The following ZC3H12B variants were observed in gnomAD, a reference collection of about 807,000 sequenced individuals.
ZC3H12B encodes probable ribonuclease ZC3H12B.
Under a neutral mutation model 43.9 loss-of-function variants are expected in ZC3H12B, and 7 were observed. The ratio of observed to expected loss-of-function variants is 0.16; its 90% CI spans 0.09 to 0.30. The LOEUF (loss-of-function observed/expected upper bound fraction) is 0.30, where lower values mean the gene tolerates loss of function less well. Among genes scored for constraint, ZC3H12B ranks in the 10% least tolerant of loss-of-function variants. The probability of loss-of-function intolerance (pLI) is 1.00; values close to 1 mark genes in which losing one functional copy is unlikely to be tolerated. For synonymous variants in ZC3H12B, 222 were observed against 241.7 expected (o/e 0.92, Z 0.76); for missense variants, 475 against 670.2 (o/e 0.71, Z 3.22).
the ZC3H12B span, among the ~76,000 whole-genome samples, chrX:65,276,915 G>T: frequency 9.0e-6 from 1 of 111,480 alleles, no homozygotes; most frequent in African/African-American, 3.3e-5. Flanking sequence ...ATTTCTCATT[G>T]AAAAGATATA....
chrX:65,078,389 C>T, the ZC3H12B span, among the ~76,000 whole-genome samples: 2 of 111,882 alleles, frequency 1.8e-5, no homozygotes, highest in Non-Finnish European at 3.8e-5. Context: ...TCCAACGTTT[C>T]AAGTTCAGGA....
the ZC3H12B span, among the ~76,000 whole-genome samples, chrX:65,168,212 C>A: frequency 8.9e-6 from 1 of 111,788 alleles, no homozygotes; most frequent in Non-Finnish European, 1.9e-5. Flanking sequence ...TACGTCCCAT[C>A]CATATCAAAT....
the ZC3H12B span, among the ~76,000 whole-genome samples, chrX:65,353,812 G>T: frequency 2.9e-4 from 32 of 111,476 alleles, no homozygotes; most frequent in Middle Eastern, 4.6e-3. Context: ...GCTTGAGTAG[G>T]CAGTTTTCCC....
intron 2 of ZC3H12B, among the ~76,000 whole-genome samples, chrX:65,382,443 G>T (rs1197398935): frequency 1.8e-5 from 2 of 111,121 alleles, no homozygotes; most frequent in Admixed American, 9.6e-5. Flanking sequence ...CGTATTGATG[G>T]GACGTATCTC....
At chrX:65,093,226 A>G in the ZC3H12B span, among the ~76,000 whole-genome samples, 1 of 111,516 alleles carries the variant, frequency 9.0e-6, no homozygotes, top group African/African-American at 3.3e-5. Context: ...ATGTATGGAA[A>G]AGCTTGGATG....
the ZC3H12B span, among the ~76,000 whole-genome samples, chrX:65,125,004 T>C: frequency 4.5e-5 from 5 of 111,212 alleles, no homozygotes; most frequent in Admixed American, 4.8e-4. Flanking sequence ...TGATCTTCAT[T>C]ATTTCTTTTC....
chrX:65,229,911 A>T, the ZC3H12B span, among the ~76,000 whole-genome samples: 2 of 111,249 alleles, frequency 1.8e-5, no homozygotes, highest in African/African-American at 6.5e-5. Flanking sequence ...ATGTGGAGAA[A>T]TAGGAACACT....
At chrX:65,188,818 T>G in the ZC3H12B span, among the ~76,000 whole-genome samples, 2 of 109,275 alleles carry the variant, frequency 1.8e-5, no homozygotes, top group Admixed American at 2.0e-4. Context: ...TTTTTTTATT[T>G]AAGTTTTAGG....
At chrX:65,382,711 C>T (rs1602350914) in intron 2 of ZC3H12B, among the ~76,000 whole-genome samples, 4 of 111,643 alleles carry the variant, frequency 3.6e-5, no homozygotes. Flanking sequence ...ACCCCATCAT[C>T]TCAGCCAAAA....
the ZC3H12B span, among the ~76,000 whole-genome samples, chrX:65,146,986 T>A: frequency 8.9e-6 from 1 of 112,152 alleles, no homozygotes; most frequent in African/African-American, 3.2e-5. Flanking sequence ...CACATGCCAC[T>A]CTGTCCATCC....
the ZC3H12B span, among the ~76,000 whole-genome samples, chrX:65,292,344 G>A: frequency 8.9e-6 from 1 of 111,902 alleles, no homozygotes; most frequent in Non-Finnish European, 1.9e-5. Context: ...GGATGGAGCT[G>A]GAGGCCATAA....
chrX:65,163,582 G>A, the ZC3H12B span, among the ~76,000 whole-genome samples: 1 of 111,737 alleles, frequency 8.9e-6, no homozygotes, highest in Non-Finnish European at 1.9e-5. Context: ...GCTATGTGCG[G>A]GATATAATCT....
chrX:65,115,390 T>C, the ZC3H12B span, among the ~76,000 whole-genome samples: 1 of 101,807 alleles, frequency 9.8e-6, no homozygotes, highest in African/African-American at 3.4e-5. Context: ...ATTTCATTCA[T>C]TTTTTTTTTG....
the ZC3H12B span, among the ~76,000 whole-genome samples, chrX:65,285,477 A>G: frequency 2.7e-5 from 3 of 111,589 alleles, no homozygotes; most frequent in South Asian, 7.5e-4. Context: ...AGATAAAAGT[A>G]TCTAGTCACC....
chrX:65,483,360 GATTT>G lies in ZC3H12B; in HGVS notation n.408-5278_408-5275del, dbSNP rs778905010. Among the ~76,000 whole-genome samples the G allele has an allele frequency of 1.2e-3, 130 of 111,924 alleles. 1 individual carries two copies. The highest frequency in any genetic ancestry group is 4.1e-3 in the African/African-American group (127 of 30,927). On this transcript the variant is annotated intron_variant and non_coding_transcript_variant, in intron 3 of 5. Coordinates refer to the ZC3H12B transcript ENST00000617377. ...CCTTTATGATATAATTCCTGCATGT[GATTT>G]ATTTATTATAAATAAAAATGGAAAG...
chrX:65,141,788 A>G, the ZC3H12B span, among the ~76,000 whole-genome samples: 2 of 111,433 alleles, frequency 1.8e-5, no homozygotes, highest in Non-Finnish European at 3.8e-5. Context: ...TTCCTGAGTT[A>G]CTTCACTTAG....
At chrX:65,100,596 A>AAAAAAAAAAG in the ZC3H12B span, among the ~76,000 whole-genome samples, 1 of 99,976 alleles carries the variant, frequency 1.0e-5, no homozygotes, top group African/African-American at 3.6e-5. Context: ...AAAAAAAAAC[A>AAAAAAAAAAG]GGGGTTACAA....
intron 3 of ZC3H12B, among the ~76,000 whole-genome samples, chrX:65,443,355 C>T (rs895377509): frequency 1.8e-5 from 2 of 110,834 alleles, no homozygotes; most frequent in African/African-American, 3.3e-5. Flanking sequence ...GAGACCAGCT[C>T]GGCTGGGGAG....
intron 2 of ZC3H12B, among the ~76,000 whole-genome samples, chrX:65,381,796 C>T (rs1378248103): frequency 8.9e-6 from 1 of 111,963 alleles, no homozygotes; most frequent in African/African-American, 3.3e-5. Context: ...CACAGAAATA[C>T]AAACCACCAT....
Sources: gnomAD v4.1 joint callset for allele counts (sites outside exome capture counted in the v4.1 genomes callset) on GRCh38, gnomAD v4.1.1 for gene constraint, MANE v1.5 for transcripts, NCBI Gene and HGNC (gene_info 2026-07-23, HGNC 2026-07-21) for gene names.